Variants in SGK1 observed in about 807,000 individuals in gnomAD.
The protein encoded by SGK1 is serum/glucocorticoid regulated kinase 1, also known as serine/threonine-protein kinase Sgk1.
SGK1 carries 26 observed loss-of-function variants against 64.2 expected under a neutral mutation model. That is an observed-to-expected ratio of 0.40 (90% CI 0.30 to 0.56). SGK1 has a LOEUF of 0.56. Among genes scored for constraint, SGK1 ranks in the 20% least tolerant of loss-of-function variants. The pLI, the probability that SGK1 is intolerant of heterozygous loss-of-function variation, is 0.38. For synonymous variants in SGK1, 265 were observed against 239.7 expected (o/e 1.11, Z -0.98); for missense variants, 519 against 645.6 (o/e 0.80, Z 2.12).
chr6:134,197,989 A>G (rs1478039286), intron 3 of SGK1, among the ~76,000 whole-genome samples: 3 of 152,176 alleles, frequency 2.0e-5, no homozygotes, highest in East Asian at 1.9e-4. Flanking sequence ...AACATCCACA[A>G]GAAACATAAG....
chr6:134,278,977 T>C (rs1174834812), intron 1 of SGK1, among the ~76,000 whole-genome samples: 1 of 152,162 alleles, frequency 6.6e-6, no homozygotes, highest in Non-Finnish European at 1.5e-5. Context: ...AAAGGATGCA[T>C]TTCAGGACAG....
chr6:134,173,967 C>A (rs1296142322), intron 5 of SGK1, 38 bp downstream of exon 5: 5 of 1,417,218 alleles, frequency 3.5e-6, no homozygotes, highest in Admixed American at 3.6e-5. Context: ...GACTCCCTTA[C>A]AGTTCTCCAC....
At chr6:134,231,165 C>T (rs1247782971) in intron 2 of SGK1, among the ~76,000 whole-genome samples, 8 of 152,004 alleles carry the variant, frequency 5.3e-5, no homozygotes, top group African/African-American at 1.2e-4. Flanking sequence ...TGCCAGTCTC[C>T]GTGACAGAGT....
At chr6:134,308,192 A>ATCTG (rs146448563) in intron 1 of SGK1, among the ~76,000 whole-genome samples, 1,838 of 152,304 alleles carry the variant, frequency 0.012, 36 homozygotes, top group African/African-American at 0.042. Flanking sequence ...AAAGATTCAG[A>ATCTG]GTTCAAAGAA....
At chr6:134,236,167 TA>T (rs1338032760) in intron 2 of SGK1, among the ~76,000 whole-genome samples, 1 of 152,190 alleles carries the variant, frequency 6.6e-6, no homozygotes, top group Non-Finnish European at 1.5e-5. Flanking sequence ...GTGAGTCAGT[TA>T]TGAAGGAGGG....
intron 3 of SGK1, among the ~76,000 whole-genome samples, chr6:134,177,225 CAAACAAAAACAAAACAA>C (rs1418502165): frequency 6.4e-5 from 7 of 109,012 alleles, no homozygotes; most frequent in African/African-American, 1.2e-4. Flanking sequence ...AACAAACAAA[CAAACAAAAACAAAACAA>C]AAACAAAAAC....
chr6:134,180,871 CAAA>C (rs11345877), intron 3 of SGK1, among the ~76,000 whole-genome samples: 53 of 127,954 alleles, frequency 4.1e-4, no homozygotes, highest in Admixed American at 5.0e-4. Flanking sequence ...GATCCTATCT[CAAA>C]AAAAAAAAAA....
chr6:134,306,354 C>T (rs1215671738), intron 1 of SGK1, among the ~76,000 whole-genome samples: 2 of 151,810 alleles, frequency 1.3e-5, no homozygotes, highest in Non-Finnish European at 1.5e-5. Context: ...ACCCGGGAGG[C>T]GGAGGTTGCA....
At chr6:134,306,954 C>T in intron 1 of SGK1, among the ~76,000 whole-genome samples, 1 of 145,308 alleles carries the variant, frequency 6.9e-6, no homozygotes, top group African/African-American at 2.6e-5. Flanking sequence ...GAAATAAATT[C>T]TGAATCTGTT....
At chr6:134,180,468 TG>T (rs2114653004) in intron 3 of SGK1, 1 of 152,256 alleles carries the variant, frequency 6.6e-6, no homozygotes, top group African/African-American at 2.4e-5. Flanking sequence ...ACCTGGAAAA[TG>T]GTGTCCACAG....
At chr6:134,189,155 T>C (rs1012816153) in intron 3 of SGK1, among the ~76,000 whole-genome samples, 1 of 151,942 alleles carries the variant, frequency 6.6e-6, no homozygotes, top group Non-Finnish European at 1.5e-5. Flanking sequence ...TGTTTGATGG[T>C]TTGGGGCCAA....
chr6:134,203,648 G>T (rs1466616986), intron 3 of SGK1, among the ~76,000 whole-genome samples: 1 of 152,182 alleles, frequency 6.6e-6, no homozygotes, highest in East Asian at 1.9e-4. Context: ...GGCTTTAGAA[G>T]ATTGGACTGG....
intron 2 of SGK1, among the ~76,000 whole-genome samples, chr6:134,222,123 G>A (rs1478224454): frequency 1.3e-5 from 2 of 152,192 alleles, no homozygotes; most frequent in East Asian, 1.9e-4. Context: ...TGAATTCCTG[G>A]TGTTGGGGCA....
Position 134,195,585 on chromosome 6 carries a change from A to C in SGK1, c.361+11771T>G, listed in dbSNP as rs982525562. ...GAGAGTTTAGAAATAACATTTCCCTACTCACTGGAATAAATAACCCATCCT... is the reference window on the plus strand; with the variant it reads ...GAGAGTTTAGAAATAACATTTCCCTCCTCACTGGAATAAATAACCCATCCT... On this transcript the variant is annotated intron_variant, in intron 3 of 13. Coordinates refer to ENST00000367858, the MANE Select transcript of SGK1 (RefSeq NM_001143676.3). 2.6e-5 allele frequency among the ~76,000 whole-genome samples: 4 copies of C among 152,180 alleles called. No individual in the cohort carries two copies. The East Asian group carries it at 5.8e-4, about 22-fold the overall frequency.
chr6:134,314,874 T>C (rs1034071859), intron 1 of SGK1, among the ~76,000 whole-genome samples: 1 of 151,714 alleles, frequency 6.6e-6, no homozygotes, highest in Non-Finnish European at 1.5e-5. Context: ...ACTGTCTAGC[T>C]AGGTTAAAAA....
rs779668203 is a variant in SGK1 at position 134,172,657 on chromosome 6, C to T, written c.947+5G>A. ...ACTGGTAGCCTGAAGAGCTCTCAGGCTTACCTATAAACGATGTTCAGTGAA... is the reference window on the plus strand; with the variant it reads ...ACTGGTAGCCTGAAGAGCTCTCAGGTTTACCTATAAACGATGTTCAGTGAA... On this transcript the variant is annotated splice_donor_5th_base_variant and intron_variant, in intron 9 of 13. Coordinates refer to ENST00000367858, the MANE Select transcript of SGK1 (RefSeq NM_001143676.3). 5.7e-6 allele frequency: 9 copies of T among 1,583,728 alleles called. No individual in the cohort carries two copies. In the East Asian group the frequency reaches 1.1e-4, roughly 20 times the overall value.
intron 1 of SGK1, among the ~76,000 whole-genome samples, chr6:134,269,277 AT>A (rs71838612): frequency 0.12 from 16,533 of 139,266 alleles, 1,897 homozygotes; most frequent in African/African-American, 0.19. Context: ...CCAAACAGGC[AT>A]TTTTTTTTTT....
Position 134,173,474 on chromosome 6 carries a change from G to A in SGK1, c.606C>T (p.Gly202=), listed in dbSNP as rs746049054. The A allele has an allele frequency of 6.2e-6, 10 of 1,610,908 alleles. No individual in the cohort carries two copies. The highest frequency in any genetic ancestry group is 8.5e-6 in the Non-Finnish European group (10 of 1,178,574). Residue 202 remains glycine (G), a synonymous_variant, in exon 6 of 14, where the codon GGC becomes GGT. Transcript: ENST00000367858. ...GATTTGAAATTACCTTTCCAAAACT[G>A]CCCTTTCCGATCACTTTCAAGAAGT... The part of the protein sequence containing the change: ...DFHFLKVIGK[G]SFGKVLLARH...
rs2114636578 is a variant in SGK1, at chr6:134,173,552, C to T, written c.528G>A (p.Gln176=). Residue 176 remains glutamine (Q), a synonymous_variant, in exon 6 of 14, where the codon CAG becomes CAA. Transcript: ENST00000367858. ...TGGACGACGGGCCAAGGTTGATTTG[C>T]TGAGAAGGACTTGGCTAGAAAAAAA... ...ANPSPPPSPS[Q]QINLGPSSNP... is the part of the protein sequence containing the mutation. 2.5e-6 allele frequency: 4 copies of T among 1,598,154 alleles called. No homozygotes were observed. Among genetic ancestry groups the T allele is most frequent in the Non-Finnish European group, 3.4e-6 (4 of 1,174,602 alleles).
Sources: gnomAD v4.1 joint callset for allele counts (sites outside exome capture counted in the v4.1 genomes callset) on GRCh38, gnomAD v4.1.1 for gene constraint, MANE v1.5 for transcripts, NCBI Gene and HGNC (gene_info 2026-07-23, HGNC 2026-07-21) for gene names.